Variants in PIWIL4 observed in about 807,000 individuals in gnomAD.
PIWIL4 encodes the protein piwi-like protein 4.
Under a neutral mutation model 100.9 loss-of-function variants are expected in PIWIL4, and 50 were observed. The ratio of observed to expected loss-of-function variants is 0.50; its 90% CI spans 0.39 to 0.63. The LOEUF (loss-of-function observed/expected upper bound fraction) is 0.63. PIWIL4 is among the 20% of genes least tolerant of loss of function. The pLI, the probability that PIWIL4 is intolerant of heterozygous loss-of-function variation, is 0.00. For synonymous variants in PIWIL4, 342 were observed against 367.5 expected, an observed-to-expected ratio of 0.93 and a Z score of 0.79; for missense variants, 887 against 1,043.3, an observed-to-expected ratio of 0.85 and a Z score of 2.06.
chr11:94,621,169 T>G lies in PIWIL4; in HGVS notation c.*177T>G. On this transcript the variant is annotated 3_prime_UTR_variant, in exon 20 of 20. Coordinates refer to ENST00000299001, the MANE Select transcript of PIWIL4 (RefSeq NM_152431.3). ...AACAGTTTTAAAAAATGTGTGTTAT[T>G]TTGTTTTAAAGAGTTGTATGCTTGG... 1 of 550,692 alleles carries G rather than the reference T, an allele frequency of 1.8e-6. No homozygotes were observed. Among genetic ancestry groups the G allele is most frequent in the Non-Finnish European group, 3.2e-6 (1 of 310,506 alleles). 34.1% of individuals were successfully genotyped at this position (550,692 alleles called of 1,614,324 possible). A position where few individuals can be genotyped will look rare whatever the true frequency, so the allele number is the denominator to read the frequency against.
intron 8 of PIWIL4, among the ~76,000 whole-genome samples, chr11:94,593,275 C>G (rs1049167704): frequency 3.3e-5 from 5 of 151,870 alleles, no homozygotes; most frequent in Admixed American, 3.3e-4. Context: ...TGGCTGAAAC[C>G]AAGAGACAGC....
Position 94,595,341 on chromosome 11 carries a change from CTGA to C in PIWIL4, c.1187_1189del (p.Met396del). On this transcript the variant is annotated inframe_deletion, in exon 10 of 20. Transcript: ENST00000299001. ...TGACCAGGCAACATCTGATTTCCAG[CTGA>C]TGAAGGCTGTGGCTGAAAAGACACG... The C allele has an allele frequency of 6.2e-7, 1 of 1,613,994 alleles. No homozygotes were observed. Among genetic ancestry groups the C allele is most frequent in the Non-Finnish European group, 8.5e-7 (1 of 1,179,870 alleles).
intron 13 of PIWIL4, among the ~76,000 whole-genome samples, chr11:94,605,568 CTATA>C (rs1948705396): frequency 6.6e-6 from 1 of 152,154 alleles, no homozygotes; most frequent in Non-Finnish European, 1.5e-5. Context: ...TATTTTGAGA[CTATA>C]TAAATAATCC....
At chr11:94,579,320 C>T (rs151214893) in intron 4 of PIWIL4, among the ~76,000 whole-genome samples, 71 of 152,184 alleles carry the variant, frequency 4.7e-4, no homozygotes, top group African/African-American at 1.7e-3. Flanking sequence ...CCTTTATCCA[C>T]CTTTTTACAC....
chr11:94,580,091 G>C (rs1416390620), intron 4 of PIWIL4, among the ~76,000 whole-genome samples: 1 of 152,138 alleles, frequency 6.6e-6, no homozygotes, highest in African/African-American at 2.4e-5. Flanking sequence ...CTGTTGCTGG[G>C]AATGGAGCCT....
At chr11:94,576,709 C>A (rs577420271) in intron 3 of PIWIL4, among the ~76,000 whole-genome samples, 1 of 152,296 alleles carries the variant, frequency 6.6e-6, no homozygotes, top group South Asian at 2.1e-4. Context: ...GTTTTCACGT[C>A]GGAAAAATGA....
intron 13 of PIWIL4, among the ~76,000 whole-genome samples, chr11:94,605,774 A>G (rs532664927): frequency 3.3e-5 from 5 of 152,150 alleles, no homozygotes; most frequent in Admixed American, 6.5e-5. Flanking sequence ...GCATAGACTC[A>G]TAGATTCCTA....
chr11:94,580,890 C>CTTT (rs956802836), intron 4 of PIWIL4, among the ~76,000 whole-genome samples: 154 of 78,896 alleles, frequency 2.0e-3, no homozygotes, highest in African/African-American at 4.6e-3. Context: ...CTCTGCCAGG[C>CTTT]TTTTTTTTTT....
chr11:94,571,681 A>G lies in PIWIL4; in HGVS notation c.166+2873A>G, dbSNP rs531477095. 2.6e-5 allele frequency among the ~76,000 whole-genome samples: 4 copies of G among 152,310 alleles called. No homozygotes were observed. In the South Asian group the frequency reaches 6.2e-4, roughly 24 times the overall value. On this transcript the variant is annotated intron_variant, in intron 2 of 19. Transcript: ENST00000299001. ...GTGCCACATTTTCTTAATCCAGTCTATCATTGTTGGACATTTGGGTTGGTT... is the reference window on the plus strand; with the variant it reads ...GTGCCACATTTTCTTAATCCAGTCTGTCATTGTTGGACATTTGGGTTGGTT...
At chr11:94,605,355 G>C (rs1054937687) in intron 13 of PIWIL4, among the ~76,000 whole-genome samples, 1 of 152,010 alleles carries the variant, frequency 6.6e-6, no homozygotes, top group African/African-American at 2.4e-5. Flanking sequence ...TTTGTATAAC[G>C]TCCCTCGATT....
At chr11:94,614,341 C>T (rs1205982107) in intron 15 of PIWIL4, among the ~76,000 whole-genome samples, 6 of 130,422 alleles carry the variant, frequency 4.6e-5, no homozygotes, top group African/African-American at 1.8e-4. Flanking sequence ...GAGTTTCGCT[C>T]TTGTCACGCA....
At chr11:94,608,314 T>G (rs1948747139) in intron 14 of PIWIL4, 1 of 342,806 alleles carries the variant, frequency 2.9e-6, no homozygotes, top group Non-Finnish European at 5.4e-6. Flanking sequence ...TAGCCACTGG[T>G]GCCCCTTCCC....
At chr11:94,616,462 A>T (rs760300121) in intron 15 of PIWIL4, 31 bp from the exon 16 acceptor site, 1 of 1,533,066 alleles carries the variant, frequency 6.5e-7, no homozygotes, top group Non-Finnish European at 8.9e-7. Context: ...TTGAAGTTGA[A>T]TTTTACTTTT....
intron 9 of PIWIL4, 101 bp downstream of exon 9, chr11:94,593,742 C>A: frequency 1.5e-6 from 2 of 1,330,604 alleles, no homozygotes; most frequent in South Asian, 1.5e-5. Flanking sequence ...GCCAGGACAT[C>A]GATTTAACCC....
chr11:94,601,677 C>A, intron 11 of PIWIL4, 118 bp from the exon 12 acceptor site: 1 of 984,578 alleles, frequency 1.0e-6, no homozygotes, highest in Non-Finnish European at 1.6e-6. Context: ...TGTTTTAAGA[C>A]TGAATAGCAA....
Position 94,577,346 on chromosome 11 carries a change from C to T in PIWIL4, c.367C>T (p.Leu123=), listed in dbSNP as rs780655777. ...CTTAGATTTTCCCCAAGACTGGCAG[C>T]TATACCAGTACCATGTGACATATAT... is the stretch of plus-strand genomic sequence containing the variant. ...FNLDFPQDWQ[L]YQYHVTYIPD... is the part of the protein sequence containing the mutation. Residue 123 remains leucine (L), a synonymous_variant, in exon 4 of 20, where the codon CTA becomes TTA. Coordinates refer to ENST00000299001, the MANE Select transcript of PIWIL4 (RefSeq NM_152431.3). 6.2e-7 allele frequency: 1 copy of T among 1,613,852 alleles called. No individual in the cohort carries two copies. Among genetic ancestry groups the T allele is most frequent in the East Asian group, 2.2e-5 (1 of 44,868 alleles).
chr11:94,578,926 C>T (rs964655312), intron 4 of PIWIL4, among the ~76,000 whole-genome samples: 3 of 152,142 alleles, frequency 2.0e-5, no homozygotes, highest in Admixed American at 2.0e-4. Context: ...TTTCCTGTTC[C>T]CTTGCCTGAG....
chr11:94,606,297 G>C (rs556521953), intron 13 of PIWIL4, among the ~76,000 whole-genome samples: 2 of 152,276 alleles, frequency 1.3e-5, no homozygotes, highest in East Asian at 3.9e-4. Flanking sequence ...AGGCCTCTAA[G>C]AGCCTTTTGC....
chr11:94,608,412 T>C (rs1948748816), intron 14 of PIWIL4, 171 bp from the exon 15 acceptor site: 1 of 576,238 alleles, frequency 1.7e-6, no homozygotes, highest in Admixed American at 3.1e-5. Flanking sequence ...TCTTTAAGTC[T>C]CTCTCATTTC....
Sources: allele counts gnomAD v4.1 joint callset (sites outside exome capture counted in the v4.1 genomes callset), GRCh38; gene constraint gnomAD v4.1.1; transcripts MANE v1.5; gene names NCBI Gene and HGNC (gene_info 2026-07-23, HGNC 2026-07-21).